The following SEC14L5 variants were observed in gnomAD, a reference collection of about 807,000 sequenced individuals.
SEC14L5 encodes the protein SEC14-like protein 5.
In SEC14L5, 96 loss-of-function variants were observed where a neutral mutation model predicts 84.6. That is an observed-to-expected ratio of 1.13 (90% confidence interval 0.96 to 1.34). SEC14L5 has a LOEUF of 1.34. Among genes scored for constraint, SEC14L5 ranks in the 40% most tolerant of loss-of-function variants. SEC14L5 has a pLI of 0.00. For synonymous variants in SEC14L5, 546 were observed against 383.4 expected, an observed-to-expected ratio of 1.42 and a Z score of -4.95; for missense variants, 1,224 against 942.5, an observed-to-expected ratio of 1.30 and a Z score of -3.91.
chr16:5,011,210 A>G lies in SEC14L5; in HGVS notation c.1916A>G (p.His639Arg). The change falls in exon 15 of 16, where the codon CAC (histidine) becomes CGC (arginine). Residue 639 changes from histidine to arginine, a missense_variant. Coordinates refer to ENST00000251170, the MANE Select transcript of SEC14L5 (RefSeq NM_014692.2). ...PGVDDVLTAL[H>R]SPGPKCKLLY... ...GTGGACGATGTCCTGACGGCTCTGCACAGCCCCGGGCCCAAGTGCAAACTT... is the reference window on the plus strand; with the variant it reads ...GTGGACGATGTCCTGACGGCTCTGCGCAGCCCCGGGCCCAAGTGCAAACTT... 1.2e-6 allele frequency: 2 copies of G among 1,613,786 alleles called. No homozygotes were observed. The highest frequency in any genetic ancestry group is 1.7e-6 in the Non-Finnish European group (2 of 1,179,858).
At chr16:4,974,223 T>C (rs1394564145) in intron 2 of SEC14L5, among the ~76,000 whole-genome samples, 3 of 152,128 alleles carry the variant, frequency 2.0e-5, no homozygotes, top group Non-Finnish European at 4.4e-5. Context: ...GCATACTTTA[T>C]ATTTTATTTT....
At chr16:4,968,679 C>T (rs1955236175) in intron 2 of SEC14L5, among the ~76,000 whole-genome samples, 1 of 152,178 alleles carries the variant, frequency 6.6e-6, no homozygotes, top group Non-Finnish European at 1.5e-5. Context: ...TTAGGAATGA[C>T]CTGGTCCCCT....
At chr16:4,960,309 A>T (rs1479808020) in intron 2 of SEC14L5, among the ~76,000 whole-genome samples, 1 of 152,176 alleles carries the variant, frequency 6.6e-6, no homozygotes, top group Non-Finnish European at 1.5e-5. Flanking sequence ...AGCTCACAAA[A>T]TATGCTGTCG....
At chr16:4,996,060 C>G (rs1955604987) in intron 6 of SEC14L5, among the ~76,000 whole-genome samples, 1 of 152,046 alleles carries the variant, frequency 6.6e-6, no homozygotes, top group African/African-American at 2.4e-5. Flanking sequence ...TAGAACATCC[C>G]CAGAGGGTGG....
At chr16:4,962,686 CAAAAAAAA>C (rs761644374) in intron 2 of SEC14L5, among the ~76,000 whole-genome samples, 1 of 81,288 alleles carries the variant, frequency 1.2e-5, no homozygotes. Context: ...AACTCTGTCT[CAAAAAAAA>C]AAAAAAAAAA....
At chr16:4,999,412 C>T (rs1278060650) in intron 8 of SEC14L5, among the ~76,000 whole-genome samples, 1 of 152,188 alleles carries the variant, frequency 6.6e-6, no homozygotes, top group East Asian at 1.9e-4. Flanking sequence ...CGAGACCAGC[C>T]TGGGCAACAT....
chr16:4,972,212 A>C (rs1955288209), intron 2 of SEC14L5, among the ~76,000 whole-genome samples: 1 of 152,104 alleles, frequency 6.6e-6, no homozygotes, highest in South Asian at 2.1e-4. Flanking sequence ...TGTGTTGCCC[A>C]GGCTGGTCTC....
intron 6 of SEC14L5, among the ~76,000 whole-genome samples, chr16:4,994,014 C>G (rs555899266): frequency 1.3e-3 from 185 of 145,178 alleles, no homozygotes; most frequent in Non-Finnish European, 2.3e-3. Flanking sequence ...GTCCTTTGTC[C>G]ATTTTCTTAT....
At chr16:4,992,842 A>G (rs717353) in intron 6 of SEC14L5, among the ~76,000 whole-genome samples, 85,681 of 152,188 alleles carry the variant, frequency 0.56, 24,601 homozygotes, top group East Asian at 0.78. Context: ...AAATGTATAT[A>G]TACCCACACA....
intron 2 of SEC14L5, 21 bp downstream of exon 2, chr16:4,959,407 G>T (rs766676815): frequency 3.7e-6 from 6 of 1,610,718 alleles, no homozygotes; most frequent in Non-Finnish European, 5.1e-6. Flanking sequence ...CCTGATTCTT[G>T]GGCCCCCATG....
chr16:4,992,065 A>G, intron 6 of SEC14L5, 35 bp downstream of exon 6: 1 of 1,373,936 alleles, frequency 7.3e-7, no homozygotes, highest in Non-Finnish European at 9.7e-7. Flanking sequence ...CAGCCCTAGG[A>G]GGCTGCTGCA....
intron 11 of SEC14L5, among the ~76,000 whole-genome samples, chr16:5,005,543 T>C (rs1236961533): frequency 2.0e-5 from 3 of 150,924 alleles, no homozygotes; most frequent in African/African-American, 7.3e-5. Flanking sequence ...TAATTCTATG[T>C]TGTATAAATT....
At chr16:4,988,313 G>A (rs1169075653) in intron 4 of SEC14L5, 33 bp downstream of exon 4, 1 of 1,608,088 alleles carries the variant, frequency 6.2e-7, no homozygotes, top group South Asian at 1.1e-5. Flanking sequence ...GCCCACGCCC[G>A]GCACCCACCT....
intron 6 of SEC14L5, among the ~76,000 whole-genome samples, chr16:4,994,488 C>T (rs751451243): frequency 1.3e-5 from 2 of 152,112 alleles, no homozygotes; most frequent in Non-Finnish European, 2.9e-5. Flanking sequence ...GGACTACAGG[C>T]GTGCACCATC....
At chr16:5,003,709 T>C in intron 11 of SEC14L5, 136 bp downstream of exon 11, 1 of 624,768 alleles carries the variant, frequency 1.6e-6, no homozygotes, top group East Asian at 2.8e-5. Context: ...TCACATAGCA[T>C]AAAGCTCACA....
intron 2 of SEC14L5, among the ~76,000 whole-genome samples, chr16:4,967,562 GTTTTTTTTTTTTTTTT>G (rs869061549): frequency 8.1e-5 from 3 of 37,064 alleles, no homozygotes; most frequent in Non-Finnish European, 1.1e-4. Context: ...TCTTTCTTTC[GTTTTTTTTTTTTTTTT>G]TTTTTTTTTT....
chr16:4,990,657 C>T, intron 4 of SEC14L5, 110 bp from the exon 5 acceptor site: 2 of 1,120,644 alleles, frequency 1.8e-6, no homozygotes, highest in South Asian at 4.0e-5. Flanking sequence ...CAGGCTTGAT[C>T]TGCTTTCCAC....
Position 5,013,304 on chromosome 16 carries a change from G to C in SEC14L5, c.1980-1555G>C, listed in dbSNP as rs554503536. 2.6e-5 allele frequency among the ~76,000 whole-genome samples: 4 copies of C among 152,320 alleles called. No homozygotes were observed. In the South Asian group the frequency reaches 8.3e-4, roughly 32 times the overall value. ...ACGGGCCTGGCCTAGGGTTGGGAGA[G>C]AGGGTGGGGGAAGTAATATGGAACG... On this transcript the variant is annotated intron_variant, in intron 15 of 15. Transcript: ENST00000251170.
chr16:4,978,920 G>A (rs1338056759), intron 2 of SEC14L5, among the ~76,000 whole-genome samples: 1 of 152,126 alleles, frequency 6.6e-6, no homozygotes, highest in African/African-American at 2.4e-5. Flanking sequence ...ATTTTATGTA[G>A]AGATGAGGTC....
Sources: allele counts gnomAD v4.1 joint callset (sites outside exome capture counted in the v4.1 genomes callset), GRCh38; gene constraint gnomAD v4.1.1; transcripts MANE v1.5; gene names NCBI Gene and HGNC (gene_info 2026-07-23, HGNC 2026-07-21).